CPLANE1: variants seen among roughly 807,000 people sequenced by gnomAD.
CPLANE1 encodes ciliogenesis and planar polarity effector complex subunit 1.
CPLANE1 carries 263 observed loss-of-function variants against 362.5 expected under a neutral mutation model. The ratio of observed to expected loss-of-function variants is 0.73; its 90% CI spans 0.66 to 0.80. The LOEUF is 0.80. CPLANE1 is among the 30% of genes least tolerant of loss of function. The pLI is 0.00. For synonymous variants in CPLANE1, 1,212 were observed against 1,302.6 expected, an observed-to-expected ratio of 0.93 and a Z score of 1.50; for missense variants, 3,461 against 3,793.4, an observed-to-expected ratio of 0.91 and a Z score of 2.30.
At position 37,183,011 on chromosome 5, in the gene CPLANE1, A is replaced by G; in HGVS notation, c.5170T>C (p.Cys1724Arg). The G allele has an allele frequency of 6.2e-7, 1 of 1,613,286 alleles. No homozygotes were observed. The highest frequency in any genetic ancestry group is 8.5e-7 in the Non-Finnish European group (1 of 1,179,724). The change falls in exon 26 of 53, where the codon TGC (cysteine) becomes CGC (arginine). Residue 1724 changes from cysteine (C) to arginine (R), a missense_variant. By Grantham distance (180) the Cys-to-Arg change is radical. This residue lies in a region of CPLANE1 where 3,380 missense variants were observed against 3,666.1 expected (regional missense o/e 0.92). Transcript: ENST00000651892. ...TCTTCTTGAGGGTTAATATCATTGC[A>G]CTGAATAGCTTTGAAAATACATCTT... ...TRRCIFKAIQ[C>R]NDINPQEDLP...
intron 51 of CPLANE1, among the ~76,000 whole-genome samples, chr5:37,113,736 A>G (rs942986258): frequency 4.6e-5 from 7 of 152,262 alleles, no homozygotes; most frequent in African/African-American, 1.7e-4. Flanking sequence ...GTAGAGAAAG[A>G]GGCATAATAC....
chr5:37,134,337 G>A (rs578222100), intron 46 of CPLANE1, among the ~76,000 whole-genome samples: 1 of 152,156 alleles, frequency 6.6e-6, no homozygotes, highest in East Asian at 1.9e-4. Flanking sequence ...GTCTGTTCAG[G>A]GTTTCAAATT....
At chr5:37,246,780 C>T (rs886887294) in intron 2 of CPLANE1, among the ~76,000 whole-genome samples, 9 of 152,216 alleles carry the variant, frequency 5.9e-5, no homozygotes, top group Admixed American at 6.5e-5. Flanking sequence ...TGGTGGCATG[C>T]GTCTGTAATC....
At chr5:37,123,825 C>G (rs1253465577) in intron 47 of CPLANE1, among the ~76,000 whole-genome samples, 1 of 152,088 alleles carries the variant, frequency 6.6e-6, no homozygotes, top group Admixed American at 6.5e-5. Flanking sequence ...TATTCCTAGC[C>G]AATTTATTCT....
chr5:37,109,388 T>C (rs1758464358), intron 51 of CPLANE1, among the ~76,000 whole-genome samples: 1 of 152,216 alleles, frequency 6.6e-6, no homozygotes, highest in African/African-American at 2.4e-5. Context: ...CCCTTGAACT[T>C]ACCAGACATT....
intron 21 of CPLANE1, among the ~76,000 whole-genome samples, chr5:37,188,325 C>G (rs562144442): frequency 1.6e-4 from 25 of 152,332 alleles, no homozygotes; most frequent in African/African-American, 6.0e-4. Context: ...AGTTTTCACT[C>G]TTCTGCTAAT....
chr5:37,146,134 A>T (rs1771493439), intron 43 of CPLANE1, among the ~76,000 whole-genome samples: 1 of 152,090 alleles, frequency 6.6e-6, no homozygotes, highest in Admixed American at 6.5e-5. Context: ...CCATCAACCA[A>T]TGGCCACTTA....
downstream of CPLANE1, among the ~76,000 whole-genome samples, chr5:37,101,463 G>A (rs1411826763): frequency 1.3e-5 from 2 of 152,194 alleles, no homozygotes; most frequent in South Asian, 2.1e-4. Context: ...CTTGATCATG[G>A]TGGATAAACT....
chr5:37,183,342 A>G lies in CPLANE1; in HGVS notation c.4839T>C (p.Phe1613=), dbSNP rs1371442100. The G allele has an allele frequency of 9.3e-6, 15 of 1,612,742 alleles. No homozygotes were observed. The highest frequency in any genetic ancestry group is 1.3e-5 in the Non-Finnish European group (15 of 1,179,660). ...CAACAACAAAGCAAGAACCAGCTCT[A>G]AACACATTCTGGCTTTTAGTTTTGC... The part of the protein sequence containing the change: ...HQSKTKSQNV[F]RAGSCFVVAP... Residue 1613 remains phenylalanine (F), a synonymous_variant, in exon 26 of 53, where the codon TTT becomes TTC. Coordinates refer to ENST00000651892, the MANE Select transcript of CPLANE1 (RefSeq NM_001384732.1).
At chr5:37,159,386 C>T (rs1776232881) in intron 38 of CPLANE1, among the ~76,000 whole-genome samples, 1 of 152,188 alleles carries the variant, frequency 6.6e-6, no homozygotes, top group African/African-American at 2.4e-5. Flanking sequence ...GCTGGGATTA[C>T]AGGCGTGAGC....
chr5:37,217,465 G>A (rs929384190), intron 15 of CPLANE1, among the ~76,000 whole-genome samples: 3 of 151,366 alleles, frequency 2.0e-5, no homozygotes, highest in Non-Finnish European at 4.4e-5. Flanking sequence ...AAATTAGCTG[G>A]GCATGGTGGT....
At chr5:37,232,196 C>T (rs1482217025) in intron 8 of CPLANE1, among the ~76,000 whole-genome samples, 1 of 152,198 alleles carries the variant, frequency 6.6e-6, no homozygotes, top group South Asian at 2.1e-4. Context: ...CTCAGATGTA[C>T]AGGATACATA....
intron 20 of CPLANE1, 24 bp downstream of exon 20, chr5:37,198,678 T>C (rs202052517): frequency 3.6e-4 from 570 of 1,598,926 alleles, no homozygotes; most frequent in Non-Finnish European, 4.6e-4. Flanking sequence ...ACACAGCATG[T>C]AAATGACTAA....
chr5:37,172,641 CA>C (rs1182452793), intron 32 of CPLANE1, among the ~76,000 whole-genome samples: 1 of 152,166 alleles, frequency 6.6e-6, no homozygotes, highest in Non-Finnish European at 1.5e-5. Context: ...TTTCATGGGA[CA>C]GGGGGACATG....
chr5:37,230,486 A>G (rs552834095), intron 9 of CPLANE1, among the ~76,000 whole-genome samples: 2 of 152,242 alleles, frequency 1.3e-5, no homozygotes, highest in South Asian at 4.1e-4. Context: ...CATTTCCAAT[A>G]ACTTTTTCCC....
chr5:37,242,079 G>C (rs943682064), intron 6 of CPLANE1, among the ~76,000 whole-genome samples: 1 of 152,114 alleles, frequency 6.6e-6, no homozygotes, highest in African/African-American at 2.4e-5. Context: ...TTTTCGGCTG[G>C]GTGAGGTGGC....
Position 37,179,143 on chromosome 5 carries a change from C to T in CPLANE1, c.5820+218G>A, listed in dbSNP as rs10061655. On this transcript the variant is annotated intron_variant, in intron 29 of 52. Coordinates refer to ENST00000651892, the MANE Select transcript of CPLANE1 (RefSeq NM_001384732.1). ...GCTAAAGCAGTTTATGATGTGAAAA[C>T]TTCATTGCCTGAAATTATTGGACAG... 0.014 allele frequency among the ~76,000 whole-genome samples: 2,113 copies of T among 152,280 alleles called. 52 individuals are homozygous for T. Among genetic ancestry groups the T allele is most frequent in the African/African-American group, 0.048 (1,981 of 41,546 alleles).
intron 16 of CPLANE1, among the ~76,000 whole-genome samples, chr5:37,208,937 GAAAAA>G (rs199850875): frequency 4.7e-5 from 5 of 106,110 alleles, no homozygotes; most frequent in Non-Finnish European, 9.1e-5. Flanking sequence ...TTTCACAGAT[GAAAAA>G]AAAAAAGAAA....
chr5:37,225,964 T>C (rs896799862), intron 12 of CPLANE1, among the ~76,000 whole-genome samples: 14 of 152,088 alleles, frequency 9.2e-5, no homozygotes, highest in African/African-American at 3.4e-4. Flanking sequence ...TGTACAACAT[T>C]TGGCATAAAT....
Sources: allele counts gnomAD v4.1 joint callset (sites outside exome capture counted in the v4.1 genomes callset), GRCh38; gene constraint gnomAD v4.1.1; regional missense constraint gnomAD v4.1.1; transcripts MANE v1.5; gene names NCBI Gene and HGNC (gene_info 2026-07-23, HGNC 2026-07-21).